Variants in LRRC37A2 observed in about 807,000 individuals in gnomAD.
LRRC37A2 encodes the protein leucine rich repeat containing 37 member A2.
LRRC37A2 carries 9 observed loss-of-function variants against 68.8 expected under a neutral mutation model. That is an observed-to-expected ratio of 0.13 (90% confidence interval 0.08 to 0.23). The LOEUF (loss-of-function observed/expected upper bound fraction) is 0.23, where lower values mean the gene tolerates loss of function less well. LRRC37A2 is among the 10% of genes least tolerant of loss of function. The pLI, the probability that LRRC37A2 is intolerant of heterozygous loss-of-function variation, is 1.00. For synonymous variants in LRRC37A2, 63 were observed against 367.6 expected, an observed-to-expected ratio of 0.17 and a Z score of 9.48; for missense variants, 168 against 950.4, an observed-to-expected ratio of 0.18 and a Z score of 10.82.
chr17:46,974,987 CTTTTTTTTTT>C, the LRRC37A2 span, among the ~76,000 whole-genome samples: 2,156 of 119,062 alleles, frequency 0.018, 26 homozygotes, highest in African/African-American at 0.048. Flanking sequence ...TTACTATTTT[CTTTTTTTTTT>C]TTTTTTTTTT....
chr17:46,726,323 C>T, the LRRC37A2 span, among the ~76,000 whole-genome samples: 2 of 152,134 alleles, frequency 1.3e-5, no homozygotes, highest in Non-Finnish European at 2.9e-5. Flanking sequence ...TCAGCTAGTC[C>T]CCAGCCTGCC....
the LRRC37A2 span, among the ~76,000 whole-genome samples, chr17:46,844,021 A>G: frequency 2.6e-4 from 40 of 152,196 alleles, 1 homozygote. Flanking sequence ...TGGTGGCATC[A>G]TGGCTCATTG....
the LRRC37A2 span, chr17:46,940,671 G>A: frequency 3.2e-4 from 515 of 1,612,890 alleles, 3 homozygotes; most frequent in African/African-American, 6.5e-3. Flanking sequence ...TGCGTGGACT[G>A]ATAGGACATC....
At chr17:46,860,418 G>A in the LRRC37A2 span, among the ~76,000 whole-genome samples, 2 of 152,156 alleles carry the variant, frequency 1.3e-5, no homozygotes, top group African/African-American at 2.4e-5. Flanking sequence ...CATGGCCCAA[G>A]GCCCTGTTAT....
chr17:46,761,887 G>A, the LRRC37A2 span, among the ~76,000 whole-genome samples: 109 of 152,064 alleles, frequency 7.2e-4, no homozygotes, highest in Non-Finnish European at 1.4e-3. Flanking sequence ...GATCTGAGAG[G>A]GTGCCCATCC....
intron 6 of LRRC37A2, among the ~76,000 whole-genome samples, chr17:46,525,683 G>A (rs538199537): frequency 0.021 from 2,460 of 118,268 alleles, 113 homozygotes; most frequent in African/African-American, 0.069. Flanking sequence ...GGCAACACCA[G>A]GAAAACACTG....
At chr17:46,949,033 A>G in the LRRC37A2 span, 1 of 152,240 alleles carries the variant, frequency 6.6e-6, no homozygotes, top group Non-Finnish European at 1.5e-5. Context: ...ACTGCTGTGT[A>G]ACAAATCACC....
chr17:46,769,244 A>T, the LRRC37A2 span, among the ~76,000 whole-genome samples: 2 of 147,946 alleles, frequency 1.4e-5, no homozygotes, highest in East Asian at 4.0e-4. Flanking sequence ...TGAACTCGGG[A>T]GGCGGAGGTT....
At chr17:47,029,441 G>A in the LRRC37A2 span, among the ~76,000 whole-genome samples, 1 of 152,122 alleles carries the variant, frequency 6.6e-6, no homozygotes, top group South Asian at 2.1e-4. Context: ...GGGACTCAAG[G>A]TGAAGATTCT....
chr17:46,901,537 C>T, the LRRC37A2 span, among the ~76,000 whole-genome samples: 1 of 152,146 alleles, frequency 6.6e-6, no homozygotes, highest in African/African-American at 2.4e-5. Context: ...CAAGCTAAGA[C>T]ACATGAGGGA....
At chr17:46,889,503 G>A in the LRRC37A2 span, among the ~76,000 whole-genome samples, 349 of 152,274 alleles carry the variant, frequency 2.3e-3, no homozygotes, top group Non-Finnish European at 4.2e-3. Flanking sequence ...ACTGTCAGGG[G>A]TCATGGCCAT....
the LRRC37A2 span, among the ~76,000 whole-genome samples, chr17:47,003,589 G>A: frequency 2.6e-5 from 4 of 152,342 alleles, no homozygotes; most frequent in Admixed American, 6.5e-5. Context: ...GGAAGGATGC[G>A]TTTCTCACAG....
At chr17:46,877,552 C>T in the LRRC37A2 span, among the ~76,000 whole-genome samples, 6 of 152,138 alleles carry the variant, frequency 3.9e-5, no homozygotes, top group Non-Finnish European at 7.3e-5. Context: ...AACGGCCCCT[C>T]CCTGTGTTCC....
the LRRC37A2 span, among the ~76,000 whole-genome samples, chr17:46,414,102 AT>A: frequency 1.9e-5 from 1 of 53,288 alleles, no homozygotes; most frequent in Admixed American, 2.0e-4. Flanking sequence ...AAGATTATAA[AT>A]TTTGATGAGT....
chr17:46,833,566 C>T, the LRRC37A2 span: 2 of 393,970 alleles, frequency 5.1e-6, no homozygotes, highest in South Asian at 1.9e-5. Flanking sequence ...AACTCAAACC[C>T]CAGTCTCCTG....
At chr17:46,811,653 C>T in the LRRC37A2 span, among the ~76,000 whole-genome samples, 5 of 152,194 alleles carry the variant, frequency 3.3e-5, no homozygotes, top group Non-Finnish European at 5.9e-5. Flanking sequence ...AGTTGCCTCT[C>T]AGAAGATTCT....
the LRRC37A2 span, among the ~76,000 whole-genome samples, chr17:46,610,104 TC>T: frequency 1.3e-5 from 1 of 78,024 alleles, no homozygotes; most frequent in African/African-American, 3.7e-5. Flanking sequence ...TCTCTTTCTC[TC>T]TCTCTCTCTC....
the LRRC37A2 span, among the ~76,000 whole-genome samples, chr17:46,403,730 G>A: frequency 8.6e-5 from 8 of 93,048 alleles, 1 homozygote; most frequent in East Asian, 1.8e-3. Flanking sequence ...ATAGGGTCTC[G>A]CTCTGTTGCC....
chr17:46,919,906 C>T, the LRRC37A2 span, among the ~76,000 whole-genome samples: 1 of 151,956 alleles, frequency 6.6e-6, no homozygotes, highest in Non-Finnish European at 1.5e-5. Flanking sequence ...AAGATTGCAC[C>T]ATTGCATTCC....
Sources: gnomAD v4.1 joint callset for allele counts (sites outside exome capture counted in the v4.1 genomes callset) on GRCh38, gnomAD v4.1.1 for gene constraint, MANE v1.5 for transcripts, NCBI Gene and HGNC (gene_info 2026-07-23, HGNC 2026-07-21) for gene names.